NFX1: variants seen among roughly 807,000 people sequenced by gnomAD.
NFX1 encodes the protein nuclear transcription factor, X-box binding 1.
A neutral mutation model predicts 137.2 loss-of-function variants in NFX1; 69 were observed. The ratio of observed to expected loss-of-function variants is 0.50; its 90% CI spans 0.41 to 0.61. The LOEUF (loss-of-function observed/expected upper bound fraction) is 0.61. Among genes scored for constraint, NFX1 ranks in the 20% least tolerant of loss-of-function variants. The pLI is 0.00. For synonymous variants in NFX1, 495 were observed against 474.1 expected, an observed-to-expected ratio of 1.04 and a Z score of -0.57; for missense variants, 1,167 against 1,391.0, an observed-to-expected ratio of 0.84 and a Z score of 2.56.
chr9:33,314,902 AT>A (rs1257257518), intron 7 of NFX1, among the ~76,000 whole-genome samples: 4 of 152,190 alleles, frequency 2.6e-5, no homozygotes, highest in Non-Finnish European at 5.9e-5. Flanking sequence ...TATGTAAAAT[AT>A]TTGTGTTTAT....
Position 33,344,074 on chromosome 9 carries a change from G to C in NFX1, c.2230G>C (p.Asp744His). The C allele has an allele frequency of 1.9e-6, 3 of 1,613,914 alleles. No individual in the cohort carries two copies. The highest frequency in any genetic ancestry group is 2.5e-6 in the Non-Finnish European group (3 of 1,179,890). The change falls in exon 14 of 24, where the codon GAT (aspartate) becomes CAT (histidine). Residue 744 changes from aspartate (D) to histidine (H), a missense_variant. This residue lies in a region of NFX1 where 488 missense variants were observed against 691.5 expected (regional missense o/e 0.71). Transcript: ENST00000379540. Reference sequence around the variant, plus strand: ...TTTACCTGCTGCTCCACCAGGTTTTGATGAATTAACCTGCCATTGTGGTGC... The same window carrying C: ...TTTACCTGCTGCTCCACCAGGTTTTCATGAATTAACCTGCCATTGTGGTGC... ...NCQTCWQASF[D>H]ELTCHCGASV...
At position 33,369,990 on chromosome 9, in the gene NFX1, T is replaced by A; in HGVS notation, c.*12T>A. 6.3e-7 allele frequency: 1 copy of A among 1,598,246 alleles called. No homozygotes were observed. The highest frequency in any genetic ancestry group is 1.1e-5 in the South Asian group (1 of 90,206). Reference sequence around the variant, plus strand: ...ACGTCCAGGACTAAGAAGATCATGATGCACTTAGATAAAAGAATGATTAGG... The same window carrying A: ...ACGTCCAGGACTAAGAAGATCATGAAGCACTTAGATAAAAGAATGATTAGG... On this transcript the variant is annotated 3_prime_UTR_variant, in exon 24 of 24. Transcript: ENST00000379540.
At chr9:33,351,831 C>A (rs367553877) in intron 16 of NFX1, 41 bp downstream of exon 16, 4 of 1,493,082 alleles carry the variant, frequency 2.7e-6, no homozygotes, top group Non-Finnish European at 3.6e-6. Context: ...GACTGTAGTT[C>A]TGAGGCTACT....
intron 2 of NFX1, among the ~76,000 whole-genome samples, chr9:33,300,246 G>T (rs1397168801): frequency 6.6e-6 from 1 of 151,614 alleles, no homozygotes; most frequent in African/African-American, 2.4e-5. Context: ...TGTATTCTTA[G>T]TAGAGATGGG....
At chr9:33,295,776 C>T (rs1475602322) in intron 2 of NFX1, among the ~76,000 whole-genome samples, 1 of 152,178 alleles carries the variant, frequency 6.6e-6, no homozygotes, top group African/African-American at 2.4e-5. Context: ...GGTAACATCT[C>T]TGCTGCCTCT....
chr9:33,344,390 G>T (rs779130162), intron 14 of NFX1, among the ~76,000 whole-genome samples: 14 of 152,144 alleles, frequency 9.2e-5, no homozygotes, highest in Non-Finnish European at 1.3e-4. Context: ...TTACTCTAGG[G>T]ATGTCAAACA....
chr9:33,332,381 G>C, intron 10 of NFX1, 91 bp from the exon 11 acceptor site: 2 of 1,226,228 alleles, frequency 1.6e-6, no homozygotes, highest in Non-Finnish European at 2.3e-6. Flanking sequence ...TGGGATATTT[G>C]GGATATTCTT....
intron 13 of NFX1, 74 bp downstream of exon 13, chr9:33,342,928 ATTT>A: frequency 1.0e-6 from 1 of 981,222 alleles, no homozygotes. Context: ...TGAGAGATTG[ATTT>A]ACTTAGAATT....
chr9:33,317,663 TA>T (rs34181227), intron 7 of NFX1, among the ~76,000 whole-genome samples: 273 of 144,404 alleles, frequency 1.9e-3, no homozygotes, highest in Middle Eastern at 3.5e-3. Flanking sequence ...ATCCTGTCTT[TA>T]AAAAAAAAAA....
chr9:33,305,736 G>GA (rs1208742173), intron 4 of NFX1, among the ~76,000 whole-genome samples: 1 of 152,198 alleles, frequency 6.6e-6, no homozygotes, highest in Non-Finnish European at 1.5e-5. Context: ...TGGAAATGGT[G>GA]ATACCAAGGA....
chr9:33,351,368 G>A (rs749874115), intron 15 of NFX1, among the ~76,000 whole-genome samples, 192 bp from the exon 16 acceptor site: 1 of 151,376 alleles, frequency 6.6e-6, no homozygotes, highest in Non-Finnish European at 1.5e-5. Context: ...ACTGAGATGG[G>A]AGGATCACCT....
At chr9:33,294,388 C>T (rs755837540) in intron 1 of NFX1, 32 bp from the exon 2 acceptor site, 1 of 1,519,152 alleles carries the variant, frequency 6.6e-7, no homozygotes, top group Non-Finnish European at 8.8e-7. Context: ...AGTTTAATCT[C>T]TTTACTGGCA....
At chr9:33,303,445 CCTGGCAAGCTG>C (rs201380764) in intron 4 of NFX1, among the ~76,000 whole-genome samples, 177 bp downstream of exon 4, 1,827 of 152,280 alleles carry the variant, frequency 0.012, 42 homozygotes, top group African/African-American at 0.038. Flanking sequence ...CCTTTGTGCT[CCTGGCAAGCTG>C]TTCTGGAGAT....
At chr9:33,319,412 AC>A (rs1822299843) in intron 9 of NFX1, among the ~76,000 whole-genome samples, 1 of 152,188 alleles carries the variant, frequency 6.6e-6, no homozygotes, top group Admixed American at 6.5e-5. Flanking sequence ...AGGAGCCTGT[AC>A]TGTAATGAAC....
intron 9 of NFX1, among the ~76,000 whole-genome samples, chr9:33,323,684 C>G (rs2118428059): frequency 6.6e-6 from 1 of 151,138 alleles, no homozygotes; most frequent in South Asian, 2.1e-4. Flanking sequence ...ACCCAGGAGG[C>G]AGAGGTTGCA....
At chr9:33,369,785 AAAAAT>A (rs1357861888) in intron 23 of NFX1, 116 bp from the exon 24 acceptor site, 2 of 782,096 alleles carry the variant, frequency 2.6e-6, no homozygotes, top group Non-Finnish European at 2.1e-6. Flanking sequence ...AGACTAAAAT[AAAAAT>A]AAAATAAATG....
chr9:33,354,197 A>G lies in NFX1; in HGVS notation c.2831+10A>G. ...AAGTTCATCAAGCCAGGTAATTTTT[A>G]AAATGCATATATGTGCCTTCTTTCT... is the stretch of plus-strand genomic sequence containing the variant. On this transcript the variant is annotated intron_variant, in intron 18 of 23. Coordinates refer to ENST00000379540, the MANE Select transcript of NFX1 (RefSeq NM_002504.6). The G allele has an allele frequency of 6.2e-7, 1 of 1,602,952 alleles. No homozygotes were observed. The highest frequency in any genetic ancestry group is 8.5e-7 in the Non-Finnish European group (1 of 1,172,550).
At chr9:33,324,107 A>G (rs906426125) in intron 9 of NFX1, among the ~76,000 whole-genome samples, 9 of 151,988 alleles carry the variant, frequency 5.9e-5, no homozygotes, top group African/African-American at 1.9e-4. Context: ...GGCCAGGCAC[A>G]GTGGCTCATG....
chr9:33,291,888 G>A (rs527410269), intron 1 of NFX1, among the ~76,000 whole-genome samples: 56 of 152,290 alleles, frequency 3.7e-4, no homozygotes, highest in African/African-American at 1.3e-3. Context: ...GGGCGACAGA[G>A]TGTGACTTCG....
Sources: gnomAD v4.1 joint callset for allele counts (sites outside exome capture counted in the v4.1 genomes callset) on GRCh38, gnomAD v4.1.1 for gene constraint, gnomAD v4.1.1 regional missense constraint, MANE v1.5 for transcripts, NCBI Gene and HGNC (gene_info 2026-07-23, HGNC 2026-07-21) for gene names.